The following ABI1 variants were observed in gnomAD, a reference collection of about 807,000 sequenced individuals.
ABI1 encodes the protein abl interactor 1, also known as Abelson interactor 1.
ABI1 carries 14 observed loss-of-function variants against 54.6 expected under a neutral mutation model. That is an observed-to-expected ratio of 0.26 (90% CI 0.17 to 0.40). The LOEUF is 0.40. ABI1 is among the 10% of genes least tolerant of loss of function. The probability of loss-of-function intolerance (pLI) is 1.00; values close to 1 mark genes in which losing one functional copy is unlikely to be tolerated. For synonymous variants in ABI1, 194 were observed against 209.3 expected (o/e 0.93, Z 0.63); for missense variants, 443 against 598.3 (o/e 0.74, Z 2.71).
At chr10:26,855,339 T>G (rs1202891051) in intron 1 of ABI1, among the ~76,000 whole-genome samples, 1 of 152,192 alleles carries the variant, frequency 6.6e-6, no homozygotes. Context: ...TCCACGGTAT[T>G]CCTGAACCAG....
intron 2 of ABI1, among the ~76,000 whole-genome samples, chr10:26,821,325 G>C (rs1215411620): frequency 6.6e-6 from 1 of 150,866 alleles, no homozygotes. Context: ...AGATCAGAAT[G>C]GAAATCAATG....
At chr10:26,769,111 C>A in intron 5 of ABI1, 119 bp from the exon 6 acceptor site, 1 of 756,512 alleles carries the variant, frequency 1.3e-6, no homozygotes, top group South Asian at 4.1e-5. Flanking sequence ...ATATATATGA[C>A]AAAGTTTGTA....
intron 10 of ABI1, among the ~76,000 whole-genome samples, chr10:26,750,220 C>T (rs1014550845): frequency 1.2e-4 from 19 of 152,164 alleles, no homozygotes; most frequent in African/African-American, 4.6e-4. Context: ...AATATAAGGC[C>T]ACGCTCGGCT....
intron 10 of ABI1, among the ~76,000 whole-genome samples, chr10:26,751,223 G>A (rs1285702657): frequency 2.0e-5 from 3 of 152,112 alleles, no homozygotes; most frequent in Non-Finnish European, 4.4e-5. Context: ...ATCAGGGACC[G>A]TCCATATTTA....
At chr10:26,811,481 C>T (rs1489880970) in intron 2 of ABI1, among the ~76,000 whole-genome samples, 1 of 152,122 alleles carries the variant, frequency 6.6e-6, no homozygotes, top group Middle Eastern at 3.2e-3. Context: ...GAAATTTGCT[C>T]TAAATCATTT....
chr10:26,758,655 T>C (rs1451089481), intron 8 of ABI1, among the ~76,000 whole-genome samples: 4 of 152,352 alleles, frequency 2.6e-5, no homozygotes, highest in South Asian at 2.1e-4. Context: ...AATTTCATTA[T>C]ATTAATTTGA....
At chr10:26,850,193 A>C (rs561804683) in intron 1 of ABI1, among the ~76,000 whole-genome samples, 1 of 152,366 alleles carries the variant, frequency 6.6e-6, no homozygotes, top group South Asian at 2.1e-4. Context: ...CAATAATGTA[A>C]AATAATGTTA....
chr10:26,748,398 CAT>C lies in ABI1; in HGVS notation c.*170_*171del. 1 of 528,896 alleles carries C rather than the reference CAT, an allele frequency of 1.9e-6. No homozygotes were observed. Among genetic ancestry groups the C allele is most frequent in the Non-Finnish European group, 3.3e-6 (1 of 305,664 alleles). The allele number at this position is 528,896 out of a possible 1,614,324, so 32.8% of individuals were successfully genotyped here. Reference sequence around the variant, plus strand: ...TTGTATAAATTGCTATTCAGCAATACATAAACTGCCTCAAAGATTTATGCTTA... The same window carrying C: ...TTGTATAAATTGCTATTCAGCAATACAAACTGCCTCAAAGATTTATGCTTA... On this transcript the variant is annotated 3_prime_UTR_variant, in exon 11 of 11. Transcript: ENST00000376140.
chr10:26,769,299 T>C (rs555440679), intron 5 of ABI1, among the ~76,000 whole-genome samples: 5 of 152,324 alleles, frequency 3.3e-5, no homozygotes, highest in African/African-American at 9.6e-5. Context: ...CTTTAAAATG[T>C]ACATTTTTCT....
intron 6 of ABI1, among the ~76,000 whole-genome samples, chr10:26,766,548 G>A (rs976591578): frequency 6.6e-6 from 1 of 152,050 alleles, no homozygotes; most frequent in Non-Finnish European, 1.5e-5. Context: ...GTTAATGGAA[G>A]AAAAAGAAAA....
intron 7 of ABI1, among the ~76,000 whole-genome samples, chr10:26,760,830 C>A (rs987644193): frequency 2.5e-5 from 3 of 118,718 alleles, no homozygotes; most frequent in Non-Finnish European, 4.8e-5. Context: ...ATGGAGGTTG[C>A]GTGAGCCAAG....
chr10:26,852,609 T>C (rs1312806672), intron 1 of ABI1, among the ~76,000 whole-genome samples: 1 of 152,214 alleles, frequency 6.6e-6, no homozygotes, highest in Non-Finnish European at 1.5e-5. Context: ...GGGCATTAAT[T>C]TCCCATGGGT....
chr10:26,830,491 A>G (rs1020343240), intron 1 of ABI1, among the ~76,000 whole-genome samples: 12 of 151,960 alleles, frequency 7.9e-5, no homozygotes, highest in African/African-American at 2.2e-4. Flanking sequence ...CTGGTGGCTT[A>G]TGCCTGTGGT....
intron 3 of ABI1, among the ~76,000 whole-genome samples, chr10:26,775,838 G>A (rs1175341792): frequency 6.6e-6 from 1 of 152,200 alleles, no homozygotes; most frequent in Non-Finnish European, 1.5e-5. Flanking sequence ...ATGGGGAGAA[G>A]TGAGTGCGAG....
At chr10:26,820,197 CAAA>C (rs1208971651) in intron 2 of ABI1, among the ~76,000 whole-genome samples, 19 of 152,150 alleles carry the variant, frequency 1.2e-4, no homozygotes, top group Non-Finnish European at 2.4e-4. Context: ...TCGCCACACA[CAAA>C]AAAAGTAGCT....
chr10:26,750,283 C>A (rs1236501891), intron 10 of ABI1, among the ~76,000 whole-genome samples: 1 of 152,210 alleles, frequency 6.6e-6, no homozygotes, highest in Non-Finnish European at 1.5e-5. Context: ...CACTTGAGGT[C>A]AGGAGTTCAA....
At chr10:26,845,639 G>T (rs755164569) in intron 1 of ABI1, among the ~76,000 whole-genome samples, 12 of 152,036 alleles carry the variant, frequency 7.9e-5, no homozygotes, top group Non-Finnish European at 1.3e-4. Context: ...GCGAAACTCT[G>T]TCTCAAAAAT....
At chr10:26,831,591 T>C (rs1441222525) in intron 1 of ABI1, among the ~76,000 whole-genome samples, 1 of 152,192 alleles carries the variant, frequency 6.6e-6, no homozygotes, top group African/African-American at 2.4e-5. Context: ...TTCCATATGA[T>C]CTAAGATCTA....
chr10:26,758,237 G>A (rs897640528), intron 8 of ABI1, among the ~76,000 whole-genome samples: 2 of 152,026 alleles, frequency 1.3e-5, no homozygotes, highest in African/African-American at 4.8e-5. Context: ...TGTGGCTCTA[G>A]AAAGAGCCAC....
Sources: allele counts gnomAD v4.1 joint callset (sites outside exome capture counted in the v4.1 genomes callset), GRCh38; gene constraint gnomAD v4.1.1; transcripts MANE v1.5; gene names NCBI Gene and HGNC (gene_info 2026-07-23, HGNC 2026-07-21).